DYNC1I1: variants seen among roughly 807,000 people sequenced by gnomAD.
DYNC1I1 encodes dynein cytoplasmic 1 intermediate chain 1.
DYNC1I1 carries 43 observed loss-of-function variants against 86.6 expected under a neutral mutation model. That is an observed-to-expected ratio of 0.50 (90% CI 0.39 to 0.64). DYNC1I1 has a LOEUF of 0.64. Among genes scored for constraint, DYNC1I1 ranks in the 30% least tolerant of loss-of-function variants. The pLI is 0.00. For synonymous variants in DYNC1I1, 262 were observed against 283.7 expected (o/e 0.92, Z 0.77); for missense variants, 604 against 788.8 (o/e 0.77, Z 2.81).
At chr7:95,773,256 C>A (rs1010320815) in intron 1 of DYNC1I1, among the ~76,000 whole-genome samples, 1 of 152,232 alleles carries the variant, frequency 6.6e-6, no homozygotes, top group Non-Finnish European at 1.5e-5. Flanking sequence ...CACTACCCTG[C>A]AAGTCGGAGG....
chr7:95,947,752 A>G (rs113833965), intron 6 of DYNC1I1, among the ~76,000 whole-genome samples: 5,166 of 152,242 alleles, frequency 0.034, 129 homozygotes, highest in South Asian at 0.1. Context: ...GCATAAAATA[A>G]TGGGAGAAAT....
chr7:96,085,254 A>C lies in DYNC1I1; in HGVS notation c.1776+4766A>C, dbSNP rs1020683498. 2.6e-5 allele frequency among the ~76,000 whole-genome samples: 4 copies of C among 152,324 alleles called. No individual in the cohort carries two copies. In the South Asian group the frequency reaches 8.3e-4, roughly 32 times the overall value. The stretch of plus-strand genomic sequence containing the variant: ...CTTTTAAGATGATAGCAGAGAGCAC[A>C]GTGGCTTGAATCCAGATTTAGTGGT... On this transcript the variant is annotated intron_variant, in intron 16 of 16. Transcript: ENST00000447467.
At chr7:96,088,094 A>C (rs1203644968) in intron 16 of DYNC1I1, among the ~76,000 whole-genome samples, 2 of 152,146 alleles carry the variant, frequency 1.3e-5, no homozygotes, top group Non-Finnish European at 2.9e-5. Context: ...TGATAATTAT[A>C]TATGTAAAAG....
rs570303602 is a variant in DYNC1I1, at chr7:95,777,360, A to G, written c.-10+4587A>G. The stretch of plus-strand genomic sequence containing the variant: ...AACTATCTTGCAGGGGTAACTGTAA[A>G]TCAAAACTTTATTCACTGCAAAGAT... On this transcript the variant is annotated intron_variant, in intron 1 of 16. Transcript: ENST00000447467. Among the ~76,000 whole-genome samples the G allele has an allele frequency of 1.3e-3, 199 of 152,244 alleles. 1 individual carries two copies. The highest frequency in any genetic ancestry group is 4.4e-3 in the African/African-American group (184 of 41,526).
intron 6 of DYNC1I1, among the ~76,000 whole-genome samples, chr7:95,913,198 A>G (rs975560886): frequency 8.6e-5 from 13 of 151,212 alleles, no homozygotes; most frequent in Admixed American, 6.6e-4. Context: ...ATGTGTTTGC[A>G]TCTTCATATT....
At chr7:95,791,866 A>G (rs946068987) in intron 1 of DYNC1I1, among the ~76,000 whole-genome samples, 1 of 152,218 alleles carries the variant, frequency 6.6e-6, no homozygotes, top group East Asian at 1.9e-4. Flanking sequence ...GCACATTTGT[A>G]CTAATGAGTG....
intron 10 of DYNC1I1, among the ~76,000 whole-genome samples, chr7:96,006,513 A>G (rs1794146542): frequency 6.6e-6 from 1 of 152,152 alleles, no homozygotes; most frequent in Non-Finnish European, 1.5e-5. Flanking sequence ...TCACTTCTCT[A>G]TATTGAAAAC....
intron 5 of DYNC1I1, among the ~76,000 whole-genome samples, chr7:95,868,075 G>C (rs867647301): frequency 6.6e-6 from 1 of 152,190 alleles, no homozygotes; most frequent in Non-Finnish European, 1.5e-5. Flanking sequence ...TAAGAAGGGA[G>C]CAAGGTTTGT....
intron 6 of DYNC1I1, among the ~76,000 whole-genome samples, chr7:95,875,881 C>T (rs990802399): frequency 2.6e-4 from 39 of 152,294 alleles, no homozygotes; most frequent in African/African-American, 8.7e-4. Context: ...GGTCTCCAGA[C>T]CTTGAGTTGA....
At chr7:95,870,106 C>A (rs1271300917) in intron 6 of DYNC1I1, 108 bp downstream of exon 6, 4 of 952,964 alleles carry the variant, frequency 4.2e-6, no homozygotes, top group African/African-American at 3.4e-5. Context: ...TCATGGGATA[C>A]AAACATAATG....
rs1432787851 is a variant in DYNC1I1 at position 95,881,319 on chromosome 7, G to C, written c.490+11321G>C. 2.0e-5 allele frequency among the ~76,000 whole-genome samples: 3 copies of C among 152,054 alleles called. No homozygotes were observed. The East Asian group carries it at 5.8e-4, about 29-fold the overall frequency. On this transcript the variant is annotated intron_variant, in intron 6 of 16. Coordinates refer to ENST00000447467, the MANE Select transcript of DYNC1I1 (RefSeq NM_001135556.2). Reference sequence around the variant, plus strand: ...AGGTACTAACTGTGTAGGTTTGTGAGGGAAGAGAGCCAGGAAGCTTGCTAT... The same window carrying C: ...AGGTACTAACTGTGTAGGTTTGTGACGGAAGAGAGCCAGGAAGCTTGCTAT...
At chr7:95,811,444 A>G (rs1404326421) in intron 3 of DYNC1I1, among the ~76,000 whole-genome samples, 1 of 152,052 alleles carries the variant, frequency 6.6e-6, no homozygotes, top group African/African-American at 2.4e-5. Context: ...ATTTATTTCC[A>G]TAGTTAGTTA....
chr7:95,978,640 C>G (rs1411581403), intron 7 of DYNC1I1, among the ~76,000 whole-genome samples: 1 of 151,922 alleles, frequency 6.6e-6, no homozygotes, highest in African/African-American at 2.4e-5. Context: ...GGTTGTGGCT[C>G]TGGCACAGTG....
At chr7:95,900,841 T>G (rs753422514) in intron 6 of DYNC1I1, among the ~76,000 whole-genome samples, 11 of 152,212 alleles carry the variant, frequency 7.2e-5, no homozygotes, top group Non-Finnish European at 1.3e-4. Flanking sequence ...CTAAATAACA[T>G]ATAAGGAATG....
Position 95,977,551 on chromosome 7 carries a change from G to A in DYNC1I1, c.530G>A (p.Gly177Asp), listed in dbSNP as rs202183816. 1 of 1,613,362 alleles carries A rather than the reference G, an allele frequency of 6.2e-7. No individual in the cohort carries two copies. The highest frequency in any genetic ancestry group is 1.3e-5 in the African/African-American group (1 of 74,972). The change falls in exon 7 of 17, where the codon GGC becomes GAC. Residue 177 changes from glycine (G) to aspartate (D), a missense_variant. Gly to Asp is a moderately conservative substitution (Grantham distance 94). Transcript: ENST00000447467. ...EDEEMVESKV[G>D]QDSELENQDK... ...GAGGAAATGGTGGAATCTAAAGTTGGCCAGGACTCAGAACTGGAAAATCAG... is the reference window on the plus strand; with the variant it reads ...GAGGAAATGGTGGAATCTAAAGTTGACCAGGACTCAGAACTGGAAAATCAG...
At chr7:95,999,470 G>T (rs911913614) in intron 10 of DYNC1I1, among the ~76,000 whole-genome samples, 1 of 152,156 alleles carries the variant, frequency 6.6e-6, no homozygotes, top group Non-Finnish European at 1.5e-5. Context: ...GTGAAGTGGG[G>T]TAATATCAGC....
Position 95,996,191 on chromosome 7 carries a change from A to G in DYNC1I1, c.969+118A>G. Reference sequence around the variant, plus strand: ...ACTCAGTTTAAAAATGAAATTGTTGACAATTTTGGAAAATTCCCCCACAGT... The same window carrying G: ...ACTCAGTTTAAAAATGAAATTGTTGGCAATTTTGGAAAATTCCCCCACAGT... On this transcript the variant is annotated intron_variant, in intron 10 of 16. Transcript: ENST00000447467. 7 of 1,491,028 alleles carry G rather than the reference A, an allele frequency of 4.7e-6. No individual in the cohort carries two copies. The South Asian group carries it at 7.8e-5, about 17-fold the overall frequency. 92.4% of individuals were successfully genotyped at this position (1,491,028 alleles called of 1,614,324 possible). A position where few individuals can be genotyped will look rare whatever the true frequency, so the allele number is the denominator to read the frequency against.
At chr7:95,930,041 C>T (rs1268756028) in intron 6 of DYNC1I1, among the ~76,000 whole-genome samples, 1 of 152,194 alleles carries the variant, frequency 6.6e-6, no homozygotes, top group Non-Finnish European at 1.5e-5. Flanking sequence ...AGAAGTAGCC[C>T]TGATTTCTCA....
chr7:95,785,775 G>GTATGTGTATATATA (rs55666459), intron 1 of DYNC1I1, among the ~76,000 whole-genome samples: 1 of 124,898 alleles, frequency 8.0e-6, no homozygotes, highest in Non-Finnish European at 1.7e-5. Context: ...GTGTGTATGT[G>GTATGTGTATATATA]TATATATATA....
Sources: gnomAD v4.1 joint callset for allele counts (sites outside exome capture counted in the v4.1 genomes callset) on GRCh38, gnomAD v4.1.1 for gene constraint, MANE v1.5 for transcripts, NCBI Gene and HGNC (gene_info 2026-07-23, HGNC 2026-07-21) for gene names.